The following TENM3 variants were observed in gnomAD, a reference collection of about 807,000 sequenced individuals.
TENM3 encodes teneurin transmembrane protein 3, also known as teneurin-3.
A neutral mutation model predicts 255.1 loss-of-function variants in TENM3; 63 were observed. The observed-to-expected ratio is 0.25, with a 90% confidence interval of 0.20 to 0.30. The LOEUF is 0.30. Ranked by LOEUF, TENM3 falls within the 10% of genes least tolerant of loss-of-function variation. The pLI is 1.00. For missense variants in TENM3, 2,929 were observed against 3,461.1 expected, an observed-to-expected ratio of 0.85 and a Z score of 3.86; for synonymous variants, 1,306 against 1,322.3, an observed-to-expected ratio of 0.99 and a Z score of 0.27.
chr4:182,084,618 G>A, the TENM3 span, among the ~76,000 whole-genome samples: 2 of 152,012 alleles, frequency 1.3e-5, no homozygotes, highest in African/African-American at 4.8e-5. Flanking sequence ...CAATTAAAAG[G>A]ATGCTATTTA....
chr4:182,052,763 G>A, the TENM3 span, among the ~76,000 whole-genome samples: 1 of 152,106 alleles, frequency 6.6e-6, no homozygotes, highest in Non-Finnish European at 1.5e-5. Context: ...ATTGCCAGGA[G>A]TGCATTGGGA....
the TENM3 span, among the ~76,000 whole-genome samples, chr4:181,928,226 C>G: frequency 6.6e-6 from 1 of 151,892 alleles, no homozygotes; most frequent in East Asian, 1.9e-4. Flanking sequence ...TAATAACAAA[C>G]TCCCCTGAGC....
intron 1 of TENM3, among the ~76,000 whole-genome samples, chr4:182,263,705 G>A (rs905832312): frequency 6.6e-6 from 1 of 152,058 alleles, no homozygotes; most frequent in African/African-American, 2.4e-5. Flanking sequence ...ACCCTGCCAC[G>A]GACAGTGCTT....
chr4:182,252,400 G>T (rs1372380522), intron 1 of TENM3, among the ~76,000 whole-genome samples: 3 of 152,090 alleles, frequency 2.0e-5, no homozygotes. Flanking sequence ...AGATTTGAAA[G>T]GGAAAAAAAT....
intron 3 of TENM3, among the ~76,000 whole-genome samples, chr4:182,528,502 A>G (rs1049882332): frequency 6.6e-6 from 1 of 152,234 alleles, no homozygotes; most frequent in African/African-American, 2.4e-5. Flanking sequence ...TGATCTATGT[A>G]TGTGTTTTAG....
At chr4:182,022,104 ATGTT>A in the TENM3 span, among the ~76,000 whole-genome samples, 1 of 151,870 alleles carries the variant, frequency 6.6e-6, no homozygotes, top group Non-Finnish European at 1.5e-5. Flanking sequence ...TTATAGCCAC[ATGTT>A]TGTTTGTTCA....
intron 3 of TENM3, among the ~76,000 whole-genome samples, chr4:182,399,395 G>A (rs1048055278): frequency 6.6e-6 from 1 of 152,134 alleles, no homozygotes; most frequent in African/African-American, 2.4e-5. Context: ...GAAAGCTGCT[G>A]AGCAGAAGCT....
chr4:181,611,445 T>A, the TENM3 span, among the ~76,000 whole-genome samples: 1 of 152,210 alleles, frequency 6.6e-6, no homozygotes, highest in Non-Finnish European at 1.5e-5. Flanking sequence ...TTCTGCGTTT[T>A]TTCTTTTTTC....
At chr4:181,766,238 C>T in the TENM3 span, among the ~76,000 whole-genome samples, 2 of 152,208 alleles carry the variant, frequency 1.3e-5, no homozygotes, top group African/African-American at 4.8e-5. Context: ...ATCCTCTGCG[C>T]AAAAGCTAAA....
intron 3 of TENM3, among the ~76,000 whole-genome samples, chr4:182,597,007 A>G (rs1382715569): frequency 6.6e-6 from 1 of 152,144 alleles, no homozygotes; most frequent in Non-Finnish European, 1.5e-5. Context: ...ATCCTTAAAC[A>G]CTTTTATAGT....
intron 4 of TENM3, among the ~76,000 whole-genome samples, chr4:182,615,256 T>C (rs1749391301): frequency 6.6e-6 from 1 of 151,258 alleles, no homozygotes; most frequent in African/African-American, 2.4e-5. Context: ...TTCATACAGG[T>C]AATAAGTTGA....
chr4:182,272,219 C>A (rs1414174854), intron 1 of TENM3, among the ~76,000 whole-genome samples: 1 of 152,170 alleles, frequency 6.6e-6, no homozygotes, highest in African/African-American at 2.4e-5. Context: ...ACTTACTTAA[C>A]TATAGGTCAT....
At chr4:181,688,002 T>A in the TENM3 span, among the ~76,000 whole-genome samples, 1 of 152,176 alleles carries the variant, frequency 6.6e-6, no homozygotes, top group Non-Finnish European at 1.5e-5. Context: ...GTCAGTGATT[T>A]ACATTAATTT....
At chr4:182,452,432 G>A (rs569847000) in intron 3 of TENM3, among the ~76,000 whole-genome samples, 1 of 152,238 alleles carries the variant, frequency 6.6e-6, no homozygotes, top group Non-Finnish European at 1.5e-5. Context: ...TCAGTGGCCT[G>A]GTTCTTAGCT....
At chr4:182,051,947 A>G in the TENM3 span, among the ~76,000 whole-genome samples, 2 of 152,012 alleles carry the variant, frequency 1.3e-5, no homozygotes, top group African/African-American at 4.8e-5. Flanking sequence ...GTGTTTTCAA[A>G]TGAGGACAGG....
At chr4:181,798,712 A>G in the TENM3 span, among the ~76,000 whole-genome samples, 2 of 152,060 alleles carry the variant, frequency 1.3e-5, no homozygotes, top group African/African-American at 4.8e-5. Flanking sequence ...CCTTCTTTAT[A>G]GATTTGGGTT....
At chr4:181,827,259 G>A in the TENM3 span, among the ~76,000 whole-genome samples, 1 of 152,118 alleles carries the variant, frequency 6.6e-6, no homozygotes, top group Non-Finnish European at 1.5e-5. Context: ...TTTAAGATCC[G>A]TATTGGTGAT....
the TENM3 span, among the ~76,000 whole-genome samples, chr4:181,649,587 G>A: frequency 7.9e-5 from 12 of 152,136 alleles, no homozygotes; most frequent in African/African-American, 2.9e-4. Context: ...ACAGTTGGGT[G>A]TCATTATGGG....
At chr4:181,713,948 G>A in the TENM3 span, among the ~76,000 whole-genome samples, 1 of 152,166 alleles carries the variant, frequency 6.6e-6, no homozygotes, top group Non-Finnish European at 1.5e-5. Context: ...CACAGGTTAA[G>A]ACAGGTACTT....
Sources: allele counts gnomAD v4.1 joint callset (sites outside exome capture counted in the v4.1 genomes callset), GRCh38; gene constraint gnomAD v4.1.1; transcripts MANE v1.5; gene names NCBI Gene and HGNC (gene_info 2026-07-23, HGNC 2026-07-21).